MGLL: variants seen among roughly 807,000 people sequenced by gnomAD.
MGLL encodes the protein lysophospholipase homolog.
A neutral mutation model predicts 29.1 loss-of-function variants in MGLL; 7 were observed. The observed-to-expected ratio is 0.24, with a 90% CI of 0.14 to 0.45. The LOEUF is 0.45. Ranked by LOEUF, MGLL falls within the 20% of genes least tolerant of loss-of-function variation. The pLI is 0.99. For synonymous variants in MGLL, 148 were observed against 168.3 expected, an observed-to-expected ratio of 0.88 and a Z score of 0.93; for missense variants, 356 against 413.6, an observed-to-expected ratio of 0.86 and a Z score of 1.21.
intron 3 of MGLL, among the ~76,000 whole-genome samples, chr3:127,771,506 A>G (rs899937607): frequency 3.9e-5 from 6 of 152,004 alleles, no homozygotes; most frequent in African/African-American, 1.4e-4. Flanking sequence ...ATAGGCATGC[A>G]CCTTTAAGCA....
Position 127,750,876 on chromosome 3 carries a change from A to T in MGLL, c.263-28310T>A, listed in dbSNP as rs577334294. 4.2e-4 allele frequency among the ~76,000 whole-genome samples: 64 copies of T among 152,368 alleles called. No homozygotes were observed. In the East Asian group the frequency reaches 0.011, roughly 26 times the overall value. On this transcript the variant is annotated intron_variant, in intron 3 of 7. Coordinates refer to ENST00000265052, the MANE Select transcript of MGLL (RefSeq NM_007283.7). ...TGGCTCTGAATCAGCCCACAGTCAT[A>T]TCTGCTCTTGAGAAACCACTGTAAT...
rs575386018 is a variant in MGLL at position 127,741,275 on chromosome 3, G to A, written c.263-18709C>T. Among the ~76,000 whole-genome samples the A allele has an allele frequency of 5.3e-5, 8 of 152,352 alleles. No individual in the cohort carries two copies. The South Asian group carries it at 1.4e-3, about 28-fold the overall frequency. The stretch of plus-strand genomic sequence containing the variant: ...AGAATGGAAACATACAACATGGTGT[G>A]TGTGGCGACCCCAGCTCCAGGCCAT... On this transcript the variant is annotated intron_variant, in intron 3 of 7. Transcript: ENST00000265052.
intron 2 of MGLL, among the ~76,000 whole-genome samples, chr3:127,802,989 T>C (rs973361325): frequency 6.6e-6 from 1 of 150,720 alleles, no homozygotes. Context: ...TCTCTCTCTT[T>C]TTTTTTTTTA....
At chr3:127,816,633 G>A (rs2077761017) in intron 2 of MGLL, among the ~76,000 whole-genome samples, 1 of 152,200 alleles carries the variant, frequency 6.6e-6, no homozygotes, top group Admixed American at 6.5e-5. Flanking sequence ...TCAGGGCATG[G>A]CCTCTCCTCC....
intron 6 of MGLL, among the ~76,000 whole-genome samples, chr3:127,696,200 C>G (rs1162916115): frequency 6.6e-6 from 1 of 152,146 alleles, no homozygotes; most frequent in Admixed American, 6.5e-5. Flanking sequence ...TGGATCTTGC[C>G]TTTCAAGGGG....
intron 2 of MGLL, among the ~76,000 whole-genome samples, chr3:127,815,415 C>T (rs1406867995): frequency 1.3e-5 from 2 of 152,266 alleles, no homozygotes; most frequent in Non-Finnish European, 2.9e-5. Flanking sequence ...GAGTCACCCT[C>T]CTTCTCCCTC....
chr3:127,748,417 A>AGAGAGAGAGAGG (rs1190050490), intron 3 of MGLL, among the ~76,000 whole-genome samples: 9 of 119,710 alleles, frequency 7.5e-5, no homozygotes, highest in Non-Finnish European at 1.0e-4. Context: ...AAAGAGAGAG[A>AGAGAGAGAGAGG]GAGAGAGAGA....
intron 3 of MGLL, among the ~76,000 whole-genome samples, chr3:127,744,097 G>C (rs1449357157): frequency 6.6e-6 from 1 of 152,110 alleles, no homozygotes; most frequent in Non-Finnish European, 1.5e-5. Flanking sequence ...CAGCATATGG[G>C]CTCTGGAAAC....
intron 3 of MGLL, among the ~76,000 whole-genome samples, chr3:127,763,120 A>C (rs1041642291): frequency 5.9e-5 from 9 of 152,208 alleles, no homozygotes; most frequent in African/African-American, 1.7e-4. Flanking sequence ...GAAAAACAAC[A>C]ACCACCATGC....
intron 2 of MGLL, among the ~76,000 whole-genome samples, chr3:127,792,461 T>A (rs1373735890): frequency 6.6e-6 from 1 of 152,138 alleles, no homozygotes; most frequent in East Asian, 1.9e-4. Flanking sequence ...TCTAGCACTT[T>A]GGGAGGCCAA....
rs561369191 is a variant in MGLL, at chr3:127,692,180, G to A, written c.*18C>T. 1.0e-4 allele frequency: 165 copies of A among 1,587,808 alleles called. 1 individual carries two copies. The highest frequency in any genetic ancestry group is 2.4e-4 in the African/African-American group (17 of 70,964). Reference sequence around the variant, plus strand: ...GCCTGCATCCCCCAGACCATGAGCCGGGCACCGGCCAATGCATTCAGGGTG... The same window carrying A: ...GCCTGCATCCCCCAGACCATGAGCCAGGCACCGGCCAATGCATTCAGGGTG... On this transcript the variant is annotated 3_prime_UTR_variant, in exon 8 of 8. Coordinates refer to ENST00000265052, the MANE Select transcript of MGLL (RefSeq NM_007283.7).
intron 6 of MGLL, 38 bp from the exon 7 acceptor site, chr3:127,695,228 G>A: frequency 1.3e-6 from 2 of 1,586,906 alleles, no homozygotes; most frequent in Non-Finnish European, 1.7e-6. Context: ...AGCATGGGCA[G>A]GGCTCACTTC....
chr3:127,760,463 C>T (rs1395110942), intron 3 of MGLL, among the ~76,000 whole-genome samples: 3 of 152,254 alleles, frequency 2.0e-5, no homozygotes, highest in Non-Finnish European at 2.9e-5. Context: ...CAGTCAGCCC[C>T]GATGCTGGCT....
intron 3 of MGLL, among the ~76,000 whole-genome samples, chr3:127,765,168 A>G (rs1234769676): frequency 1.3e-5 from 2 of 152,224 alleles, no homozygotes; most frequent in Admixed American, 1.3e-4. Context: ...AGAATTATTC[A>G]GTCTTTCTTT....
intron 3 of MGLL, among the ~76,000 whole-genome samples, chr3:127,738,029 A>C (rs1403695741): frequency 6.6e-6 from 1 of 152,078 alleles, no homozygotes; most frequent in African/African-American, 2.4e-5. Flanking sequence ...GGCTAGGCGC[A>C]GTGGCTCAGA....
intron 5 of MGLL, among the ~76,000 whole-genome samples, chr3:127,717,116 C>A (rs539764146): frequency 2.0e-5 from 3 of 152,216 alleles, no homozygotes; most frequent in African/African-American, 7.2e-5. Flanking sequence ...CTAACCCCCA[C>A]GGCAGCTCAT....
intron 3 of MGLL, among the ~76,000 whole-genome samples, chr3:127,739,579 C>T (rs2076299550): frequency 6.6e-6 from 1 of 152,152 alleles, no homozygotes; most frequent in Non-Finnish European, 1.5e-5. Context: ...ACCACTGATG[C>T]TTTTAAAAAC....
chr3:127,717,048 G>A (rs1186106746), intron 5 of MGLL, among the ~76,000 whole-genome samples: 13 of 152,224 alleles, frequency 8.5e-5, no homozygotes, highest in Admixed American at 7.2e-4. Context: ...AATAACAGGT[G>A]TCTAGAAAGC....
chr3:127,710,117 G>A (rs1275138775), intron 6 of MGLL, among the ~76,000 whole-genome samples: 2 of 152,188 alleles, frequency 1.3e-5, no homozygotes, highest in African/African-American at 4.8e-5. Flanking sequence ...ACCTGCTGGT[G>A]GCCCTCTTGG....
Sources: gnomAD v4.1 joint callset for allele counts (sites outside exome capture counted in the v4.1 genomes callset) on GRCh38, gnomAD v4.1.1 for gene constraint, MANE v1.5 for transcripts, NCBI Gene and HGNC (gene_info 2026-07-23, HGNC 2026-07-21) for gene names.